The following UST variants were observed in gnomAD, a reference collection of about 807,000 sequenced individuals.
UST encodes uronyl 2-sulfotransferase.
A neutral mutation model predicts 45.6 loss-of-function variants in UST; 21 were observed. That is an observed-to-expected ratio of 0.46 (90% confidence interval 0.33 to 0.66). The LOEUF (loss-of-function observed/expected upper bound fraction) is 0.66. UST is among the 30% of genes least tolerant of loss of function. The pLI is 0.02. For synonymous variants in UST, 215 were observed against 200.6 expected (o/e 1.07, Z -0.61); for missense variants, 463 against 512.4 (o/e 0.90, Z 0.93).
chr6:148,838,789 T>C (rs1777838801), intron 1 of UST, among the ~76,000 whole-genome samples: 1 of 151,778 alleles, frequency 6.6e-6, no homozygotes, highest in African/African-American at 2.4e-5. Flanking sequence ...GAGTGAAGAA[T>C]CACAGAGGAA....
chr6:148,880,443 C>T (rs1382962988), intron 1 of UST, among the ~76,000 whole-genome samples: 1 of 152,196 alleles, frequency 6.6e-6, no homozygotes, highest in Non-Finnish European at 1.5e-5. Flanking sequence ...TCTTGAAATG[C>T]ATCTTTGCTA....
intron 1 of UST, among the ~76,000 whole-genome samples, chr6:148,847,454 G>A (rs1778013489): frequency 6.6e-6 from 1 of 152,236 alleles, no homozygotes; most frequent in African/African-American, 2.4e-5. Flanking sequence ...GTGTAATATA[G>A]TTGCTGCCTC....
chr6:148,839,232 AC>A (rs1777846700), intron 1 of UST, among the ~76,000 whole-genome samples: 1 of 152,206 alleles, frequency 6.6e-6, no homozygotes, highest in African/African-American at 2.4e-5. Context: ...GAACTTTGAA[AC>A]AGGCCAGTTT....
chr6:148,807,849 A>G (rs1205326631), intron 1 of UST, among the ~76,000 whole-genome samples: 3 of 152,222 alleles, frequency 2.0e-5, no homozygotes, highest in Admixed American at 1.3e-4. Flanking sequence ...GTGGATATCT[A>G]TCGATGCCGT....
chr6:148,867,299 CACACA>C (rs1778458015), intron 1 of UST, among the ~76,000 whole-genome samples: 1 of 134,476 alleles, frequency 7.4e-6, no homozygotes, highest in African/African-American at 3.1e-5. Context: ...CACACACACA[CACACA>C]CACACACACA....
At chr6:148,949,333 A>ATAATAC (rs1780315143) in intron 3 of UST, among the ~76,000 whole-genome samples, 2 of 137,176 alleles carry the variant, frequency 1.5e-5, no homozygotes, top group African/African-American at 2.7e-5. Context: ...AATAATAATA[A>ATAATAC]TACTTATCCG....
Position 148,876,337 on chromosome 6 carries a change from G to A in UST, c.248-10649G>A, listed in dbSNP as rs557073210. 2.0e-5 allele frequency among the ~76,000 whole-genome samples: 3 copies of A among 152,212 alleles called. No homozygotes were observed. The South Asian group carries it at 6.2e-4, about 32-fold the overall frequency. On this transcript the variant is annotated intron_variant, in intron 1 of 7. Coordinates refer to ENST00000367463, the MANE Select transcript of UST (RefSeq NM_005715.3). ...CCCACCAGGCCCCACCTCCAACACCGAGGATTATATCTCAACATGAGACTT... is the reference window on the plus strand; with the variant it reads ...CCCACCAGGCCCCACCTCCAACACCAAGGATTATATCTCAACATGAGACTT...
chr6:148,974,179 A>T (rs1045619669), intron 5 of UST, among the ~76,000 whole-genome samples: 2 of 152,216 alleles, frequency 1.3e-5, no homozygotes, highest in Non-Finnish European at 2.9e-5. Flanking sequence ...TGAGCTTATT[A>T]TTAAAAGGAG....
At chr6:148,968,824 G>C (rs1562316217) in intron 5 of UST, among the ~76,000 whole-genome samples, 3 of 152,158 alleles carry the variant, frequency 2.0e-5, no homozygotes. Flanking sequence ...AACCATTATT[G>C]CCACTTCACT....
At chr6:148,891,263 G>A (rs1457987560) in intron 2 of UST, among the ~76,000 whole-genome samples, 11 of 152,124 alleles carry the variant, frequency 7.2e-5, no homozygotes, top group African/African-American at 1.4e-4. Context: ...CACCTGGGAC[G>A]TGGGTACCTG....
Position 149,030,535 on chromosome 6 carries a change from T to C in UST, c.937+9054T>C, listed in dbSNP as rs116687189. 7.6e-3 allele frequency among the ~76,000 whole-genome samples: 1,154 copies of C among 152,244 alleles called. 14 individuals carry two copies. Among genetic ancestry groups the C allele is most frequent in the African/African-American group, 0.026 (1,095 of 41,558 alleles). On this transcript the variant is annotated intron_variant, in intron 7 of 7. Transcript: ENST00000367463. The stretch of plus-strand genomic sequence containing the variant: ...TATCTCTGTCCAACGTATCTGTCTG[T>C]TCACTAAGAAACATGAGTTTAGGAA...
chr6:148,751,737 ATT>A (rs113002435), intron 1 of UST, among the ~76,000 whole-genome samples: 1 of 148,526 alleles, frequency 6.7e-6, no homozygotes, highest in African/African-American at 2.5e-5. Context: ...AATTCAGTGA[ATT>A]TTTTTTTTTT....
At chr6:148,766,132 C>A (rs1406651341) in intron 1 of UST, among the ~76,000 whole-genome samples, 1 of 152,040 alleles carries the variant, frequency 6.6e-6, no homozygotes, top group Non-Finnish European at 1.5e-5. Context: ...AGGCTTATAT[C>A]TTCATACTTC....
chr6:148,818,945 T>C (rs1324012807), intron 1 of UST, among the ~76,000 whole-genome samples: 2 of 152,166 alleles, frequency 1.3e-5, no homozygotes, highest in East Asian at 3.9e-4. Context: ...CAGGCCTGGT[T>C]TTCTGTCTGG....
intron 1 of UST, among the ~76,000 whole-genome samples, chr6:148,829,529 C>T (rs369604536): frequency 9.2e-5 from 14 of 152,232 alleles, no homozygotes; most frequent in South Asian, 2.1e-4. Flanking sequence ...TTCCAAAATC[C>T]GGCTCAAATC....
At chr6:148,982,709 T>C (rs1781163063) in intron 5 of UST, among the ~76,000 whole-genome samples, 1 of 152,260 alleles carries the variant, frequency 6.6e-6, no homozygotes, top group South Asian at 2.1e-4. Flanking sequence ...ACTTCTGTTA[T>C]GCTTAGCAGC....
chr6:149,073,890 A>C lies in UST; in HGVS notation c.995A>C (p.Glu332Ala). 1.2e-6 allele frequency: 2 copies of C among 1,614,164 alleles called. No individual in the cohort carries two copies. The highest frequency in any genetic ancestry group is 1.7e-6 in the Non-Finnish European group (2 of 1,180,014). Residue 332 changes from glutamate (E) to alanine (A), a missense_variant, in exon 8 of 8, where the codon GAG (glutamate) becomes GCG (alanine). By Grantham distance (107) the Glu-to-Ala change is moderately radical (BLOSUM62 -1). This residue lies in a region of UST where 287 missense variants were observed against 374.2 expected (regional missense o/e 0.77). Coordinates refer to ENST00000367463, the MANE Select transcript of UST (RefSeq NM_005715.3). ...GTGAAGAAGACTGTCCCCTCTCCTG[A>C]GGCTGTGCAGATCCTCTACCAGCGG... ...VTVKKTVPSP[E>A]AVQILYQRMR... is the part of the protein sequence containing the mutation.
chr6:148,959,148 G>A (rs919154539), intron 4 of UST: 1 of 152,224 alleles, frequency 6.6e-6, no homozygotes, highest in African/African-American at 2.4e-5. Flanking sequence ...TTCCCTACAA[G>A]TGAAGTCTCA....
At chr6:149,024,803 A>G (rs1376586232) in intron 7 of UST, among the ~76,000 whole-genome samples, 1 of 152,222 alleles carries the variant, frequency 6.6e-6, no homozygotes, top group East Asian at 1.9e-4. Context: ...CAGAGAGAAG[A>G]AAAGCTAAAA....
Sources: allele counts gnomAD v4.1 joint callset (sites outside exome capture counted in the v4.1 genomes callset), GRCh38; gene constraint gnomAD v4.1.1; regional missense constraint gnomAD v4.1.1; transcripts MANE v1.5; gene names NCBI Gene and HGNC (gene_info 2026-07-23, HGNC 2026-07-21).